The following TRA2A variants were observed in gnomAD, a reference collection of about 807,000 sequenced individuals.
TRA2A encodes transformer 2 alpha homolog, also known as transformer-2 protein homolog alpha.
TRA2A carries 31 observed loss-of-function variants against 45.7 expected under a neutral mutation model. That is an observed-to-expected ratio of 0.68 (90% CI 0.51 to 0.92). TRA2A has a LOEUF of 0.92. Ranked by LOEUF, TRA2A falls within the 40% of genes least tolerant of loss-of-function variation. The pLI, the probability that TRA2A is intolerant of heterozygous loss-of-function variation, is 0.00. For missense variants in TRA2A, 304 were observed against 367.5 expected, an observed-to-expected ratio of 0.83 and a Z score of 1.41; for synonymous variants, 132 against 126.2, an observed-to-expected ratio of 1.05 and a Z score of -0.31.
At chr7:23,519,460 T>C (rs1478173171) in intron 2 of TRA2A, among the ~76,000 whole-genome samples, 1 of 151,974 alleles carries the variant, frequency 6.6e-6, no homozygotes, top group African/African-American at 2.4e-5. Flanking sequence ...AAATACCTTC[T>C]ATACGGTACT....
At chr7:23,515,238 T>TC (rs1789810630) in intron 3 of TRA2A, among the ~76,000 whole-genome samples, 1 of 145,576 alleles carries the variant, frequency 6.9e-6, no homozygotes, top group African/African-American at 2.5e-5. Flanking sequence ...TTTTTTTTTT[T>TC]TTTTTTTTTG....
At chr7:23,507,646 A>T (rs990158765) in intron 4 of TRA2A, 111 bp from the exon 5 acceptor site, 2 of 752,960 alleles carry the variant, frequency 2.7e-6, no homozygotes, top group African/African-American at 3.4e-5. Context: ...TGATTTTGAA[A>T]ATGACAGCAA....
At chr7:23,515,128 T>G (rs1006236708) in intron 3 of TRA2A, among the ~76,000 whole-genome samples, 1 of 152,200 alleles carries the variant, frequency 6.6e-6, no homozygotes, top group African/African-American at 2.4e-5. Context: ...TTTTTAATAT[T>G]TCTTTGACCC....
At chr7:23,513,886 G>T (rs1789740092) in intron 3 of TRA2A, among the ~76,000 whole-genome samples, 1 of 152,154 alleles carries the variant, frequency 6.6e-6, no homozygotes, top group Non-Finnish European at 1.5e-5. Context: ...GGAGAACAAA[G>T]GAAGGAGGAA....
At chr7:23,506,016 A>C in intron 6 of TRA2A, 122 bp downstream of exon 6, 1 of 914,458 alleles carries the variant, frequency 1.1e-6, no homozygotes, top group Non-Finnish European at 1.7e-6. Flanking sequence ...TTCTGCTCCC[A>C]AAGGCGTCAT....
chr7:23,530,734 T>TA (rs1790540110), intron 1 of TRA2A, among the ~76,000 whole-genome samples: 1 of 152,158 alleles, frequency 6.6e-6, no homozygotes. Flanking sequence ...AATATATTAA[T>TA]AAAAACTTTT....
Position 23,513,175 on chromosome 7 carries a change from CAATA to C in TRA2A, c.337-97_337-94del, listed in dbSNP as rs544625814. The C allele has an allele frequency of 1.3e-3, 1,032 of 796,860 alleles. 5 individuals are homozygous for C. Among genetic ancestry groups the C allele is most frequent in the Middle Eastern group, 0.01 (32 of 3,118 alleles). 49.4% of individuals were successfully genotyped at this position (796,860 alleles called of 1,614,324 possible). ...TGTTTAGAACACCTCATCTAATACA[CAATA>C]AATATATTGTTTCTAATAATTTGGA... On this transcript the variant is annotated intron_variant, in intron 3 of 7. Transcript: ENST00000297071.
In TRA2A at chr7:23,512,800, G is replaced by T. The variant is rs115138624; in HGVS notation, c.525+94C>A. On this transcript the variant is annotated intron_variant, in intron 4 of 7. Coordinates refer to ENST00000297071, the MANE Select transcript of TRA2A (RefSeq NM_013293.5). ...AAAAAAAAAAAAAGAAAAAAAGGAA[G>T]AAAAAAGGATGCAATGTTTACAGAA... 4.0e-3 allele frequency: 3,894 copies of T among 969,392 alleles called. 121 individuals are homozygous for T. In the African/African-American group the frequency reaches 0.059, roughly 15 times the overall value. The allele number at this position is 969,392 out of a possible 1,614,324, so 60.0% of individuals were successfully genotyped here. A position where few individuals can be genotyped will look rare whatever the true frequency, so the allele number is the denominator to read the frequency against.
At chr7:23,513,410 G>T (rs547329370) in intron 3 of TRA2A, among the ~76,000 whole-genome samples, 1 of 152,102 alleles carries the variant, frequency 6.6e-6, no homozygotes, top group African/African-American at 2.4e-5. Context: ...CTGAGGTTAG[G>T]AGTTCGAGAC....
At chr7:23,520,929 G>A (rs749080412) in intron 2 of TRA2A, among the ~76,000 whole-genome samples, 4 of 152,100 alleles carry the variant, frequency 2.6e-5, no homozygotes, top group Non-Finnish European at 4.4e-5. Flanking sequence ...CTGACCTCAA[G>A]TTATCTACCC....
rs531565382 is a variant in TRA2A at position 23,531,942 on chromosome 7, C to G, written c.-118G>C. 4 of 1,046,518 alleles carry G rather than the reference C, an allele frequency of 3.8e-6. No individual in the cohort carries two copies. The African/African-American group carries it at 6.3e-5, about 17-fold the overall frequency. The allele number at this position is 1,046,518 out of a possible 1,614,324, so 64.8% of individuals were successfully genotyped here. A position where few individuals can be genotyped will look rare whatever the true frequency, so the allele number is the denominator to read the frequency against. ...AGGAAAGAGTCGGCAACCACAGCCG[C>G]TCCACTCCACTCCCACTCGGTCGCA... On this transcript the variant is annotated 5_prime_UTR_variant, in exon 1 of 8. Transcript: ENST00000297071.
chr7:23,523,060 C>G (rs986845080), intron 1 of TRA2A, among the ~76,000 whole-genome samples: 5 of 152,054 alleles, frequency 3.3e-5, no homozygotes, highest in Non-Finnish European at 7.4e-5. Context: ...TAAAATTTCC[C>G]CATTAGCTTA....
chr7:23,514,878 T>C (rs1173416454), intron 3 of TRA2A, among the ~76,000 whole-genome samples: 1 of 152,232 alleles, frequency 6.6e-6, no homozygotes, highest in Non-Finnish European at 1.5e-5. Context: ...TTTAAGTTAG[T>C]ATCCTGTGGG....
chr7:23,507,526 T>C lies in TRA2A; in HGVS notation c.535A>G (p.Arg179Gly). The change falls in exon 5 of 8, where the codon AGG becomes GGG. Residue 179 changes from arginine (R) to glycine (G), a missense_variant. By Grantham distance (125) the Arg-to-Gly change is moderately radical (BLOSUM62 -2). Transcript: ENST00000297071. ...RIDDSKEAME[R>G]ANGMELDGRR... Reference sequence around the variant, plus strand: ...CCATCCAGCTCCATTCCATTTGCCCTTTCCATAGCCTATAAAGAACAGGCA... The same window carrying C: ...CCATCCAGCTCCATTCCATTTGCCCCTTCCATAGCCTATAAAGAACAGGCA... 1 of 1,613,582 alleles carries C rather than the reference T, an allele frequency of 6.2e-7. No individual in the cohort carries two copies. The highest frequency in any genetic ancestry group is 8.5e-7 in the Non-Finnish European group (1 of 1,179,516).
intron 5 of TRA2A, 39 bp downstream of exon 5, chr7:23,507,381 T>G: frequency 6.5e-7 from 1 of 1,530,776 alleles, no homozygotes; most frequent in Non-Finnish European, 9.0e-7. Flanking sequence ...ATATTTCTGG[T>G]GGATTTCATA....
intron 3 of TRA2A, among the ~76,000 whole-genome samples, chr7:23,515,453 G>A (rs955962619): frequency 9.2e-5 from 14 of 151,790 alleles, no homozygotes; most frequent in Non-Finnish European, 1.5e-4. Context: ...TCCTGACCTC[G>A]TGATCCGCCC....
At chr7:23,506,615 T>A (rs2127990396) in intron 5 of TRA2A, 1 of 239,222 alleles carries the variant, frequency 4.2e-6, no homozygotes, top group Non-Finnish European at 7.9e-6. Context: ...GACTGGTAAA[T>A]AAATAAATAA....
intron 2 of TRA2A, among the ~76,000 whole-genome samples, chr7:23,518,375 T>G (rs887380187): frequency 2.0e-5 from 3 of 152,084 alleles, no homozygotes; most frequent in African/African-American, 7.2e-5. Flanking sequence ...AGAGTCTCAC[T>G]TCTTCACCCA....
rs372143460 is a variant in TRA2A at position 23,517,253 on chromosome 7, C to T, written c.171-725G>A. ...ATCCCAGCAACTTGTGAGGCCGAGG[C>T]GGGCGGATCACGAGGTCAGGAGATC... On this transcript the variant is annotated intron_variant, in intron 2 of 7. Transcript: ENST00000297071. Among the ~76,000 whole-genome samples the T allele has an allele frequency of 4.0e-5, 6 of 151,530 alleles. No individual in the cohort carries two copies. In the South Asian group the frequency reaches 6.2e-4, roughly 16 times the overall value.
Sources: gnomAD v4.1 joint callset for allele counts (sites outside exome capture counted in the v4.1 genomes callset) on GRCh38, gnomAD v4.1.1 for gene constraint, MANE v1.5 for transcripts, NCBI Gene and HGNC (gene_info 2026-07-23, HGNC 2026-07-21) for gene names.